The following OTUD5 variants were observed in gnomAD, a reference collection of about 807,000 sequenced individuals.
OTUD5 encodes OTU domain-containing protein 5.
OTUD5 carries 2 observed loss-of-function variants against 36.3 expected under a neutral mutation model. That is an observed-to-expected ratio of 0.06 (90% CI 0.02 to 0.17). OTUD5 has a LOEUF of 0.17. Among genes scored for constraint, OTUD5 ranks in the 10% least tolerant of loss-of-function variants. The pLI is 1.00. For missense variants in OTUD5, 233 were observed against 512.3 expected, an observed-to-expected ratio of 0.45 and a Z score of 5.26; for synonymous variants, 234 against 214.9, an observed-to-expected ratio of 1.09 and a Z score of -0.78.
chrX:48,950,300 G>C (rs782492798), intron 1 of OTUD5, among the ~76,000 whole-genome samples: 2 of 110,903 alleles, frequency 1.8e-5, no homozygotes, highest in East Asian at 5.6e-4. Context: ...ATTTGATACA[G>C]ACAGAAAAGG....
chrX:48,954,355 T>C (rs797043859), intron 1 of OTUD5, among the ~76,000 whole-genome samples: 1 of 111,074 alleles, frequency 9.0e-6, no homozygotes, highest in African/African-American at 3.3e-5. Flanking sequence ...AGGATGTTCT[T>C]TCTCTCTGTC....
intron 1 of OTUD5, among the ~76,000 whole-genome samples, chrX:48,949,071 C>T (rs1238334384): frequency 9.0e-6 from 1 of 111,688 alleles, no homozygotes; most frequent in Non-Finnish European, 1.9e-5. Context: ...GGATACCAAG[C>T]CTCCCAATAA....
intron 5 of OTUD5, among the ~76,000 whole-genome samples, chrX:48,928,629 T>C (rs1313484782): frequency 2.7e-5 from 3 of 110,385 alleles, no homozygotes; most frequent in Non-Finnish European, 5.7e-5. Context: ...GAATTTGAGA[T>C]TGGCCTGAGC....
At chrX:48,947,033 AC>A (rs1460342774) in intron 1 of OTUD5, among the ~76,000 whole-genome samples, 1 of 111,999 alleles carries the variant, frequency 8.9e-6, no homozygotes, top group Non-Finnish European at 1.9e-5. Context: ...GAAACAGGTA[AC>A]CACCACAAGG....
intron 5 of OTUD5, among the ~76,000 whole-genome samples, chrX:48,926,879 A>G (rs1405818376): frequency 9.0e-6 from 1 of 111,438 alleles, no homozygotes; most frequent in Non-Finnish European, 1.9e-5. Flanking sequence ...ACACTACATC[A>G]GAGTACTGTT....
intron 2 of OTUD5, among the ~76,000 whole-genome samples, chrX:48,941,808 G>A (rs782568077): frequency 8.2e-4 from 92 of 111,816 alleles, no homozygotes; most frequent in Non-Finnish European, 1.3e-3. Flanking sequence ...CTGGAAACGG[G>A]GGCAGCAAAA....
Position 48,923,321 on chromosome X carries a change from G to A in OTUD5, c.1580-26C>T, listed in dbSNP as rs185738591. On this transcript the variant is annotated intron_variant, in intron 8 of 8. Coordinates refer to ENST00000376488, the MANE Select transcript of OTUD5 (RefSeq NM_001136157.2). The stretch of plus-strand genomic sequence containing the variant: ...CTGCTGGGCGAGAGGAAGAGGAAAA[G>A]GATGATGGAGCGCTCTCAGCCTGCC... The A allele has an allele frequency of 1.0e-3, 1,171 of 1,137,233 alleles. 6 individuals are homozygous for A. In the African/African-American group the frequency reaches 0.019, roughly 19 times the overall value. 93.7% of individuals were successfully genotyped at this position (1,137,233 alleles called of 1,213,427 possible).
At position 48,955,149 on chromosome X, in the gene OTUD5, C is replaced by T. The variant is rs782330600; in HGVS notation, c.594+1828G>A. Among the ~76,000 whole-genome samples, 3 of 111,761 alleles carry T rather than the reference C, an allele frequency of 2.7e-5. No individual in the cohort carries two copies. In the Admixed American group the frequency reaches 2.8e-4, roughly 11 times the overall value. Reference sequence around the variant, plus strand: ...CTTTTCCTCAGAATCCTACCCTATTCATGTCCCCAAAAGGAGTTGGGAGTC... The same window carrying T: ...CTTTTCCTCAGAATCCTACCCTATTTATGTCCCCAAAAGGAGTTGGGAGTC... On this transcript the variant is annotated intron_variant, in intron 1 of 8. Transcript: ENST00000376488.
At chrX:48,943,590 T>C (rs1209863217) in intron 2 of OTUD5, among the ~76,000 whole-genome samples, 1 of 111,332 alleles carries the variant, frequency 9.0e-6, no homozygotes, top group Admixed American at 9.6e-5. Flanking sequence ...TCTCTACTTT[T>C]ATATAAGTTG....
chrX:48,923,569 G>C, intron 8 of OTUD5, 64 bp downstream of exon 8: 1 of 851,429 alleles, frequency 1.2e-6, no homozygotes, highest in Non-Finnish European at 1.7e-6. Context: ...CTCAGGACTT[G>C]CCACTTCTTC....
chrX:48,955,837 A>C (rs2064228431), intron 1 of OTUD5, among the ~76,000 whole-genome samples: 1 of 111,213 alleles, frequency 9.0e-6, no homozygotes, highest in Non-Finnish European at 1.9e-5. Flanking sequence ...TGGGGTGGGG[A>C]GTCTCAGATC....
intron 5 of OTUD5, among the ~76,000 whole-genome samples, chrX:48,930,317 G>C (rs2063732331): frequency 9.0e-6 from 1 of 111,567 alleles, no homozygotes; most frequent in Non-Finnish European, 1.9e-5. Context: ...GAAATGAGCA[G>C]TTACATAAAT....
chrX:48,951,594 G>A (rs781856107), intron 1 of OTUD5, among the ~76,000 whole-genome samples: 4 of 106,271 alleles, frequency 3.8e-5, no homozygotes, highest in Admixed American at 2.0e-4. Flanking sequence ...CAGCCTGGGG[G>A]ACAGAGTGAG....
At chrX:48,951,187 G>T (rs2064135422) in intron 1 of OTUD5, among the ~76,000 whole-genome samples, 2 of 111,387 alleles carry the variant, frequency 1.8e-5, no homozygotes, top group Non-Finnish European at 3.8e-5. Context: ...GCAGTTCATG[G>T]ACAGATGTCT....
intron 1 of OTUD5, among the ~76,000 whole-genome samples, chrX:48,953,489 G>C (rs1381922061): frequency 9.0e-6 from 1 of 111,400 alleles, no homozygotes; most frequent in African/African-American, 3.3e-5. Flanking sequence ...CCAGCATTTT[G>C]CCTGGCCAGT....
chrX:48,944,674 G>C (rs1268187841), intron 1 of OTUD5, among the ~76,000 whole-genome samples: 1 of 111,830 alleles, frequency 8.9e-6, no homozygotes, highest in Non-Finnish European at 1.9e-5. Context: ...TGGTGAAGAG[G>C]GGGTAACTAG....
intron 2 of OTUD5, among the ~76,000 whole-genome samples, chrX:48,942,789 G>T (rs1369433759): frequency 2.7e-5 from 3 of 109,596 alleles, no homozygotes; most frequent in African/African-American, 1.0e-4. Flanking sequence ...GTTCCATGAG[G>T]GTCTACTATA....
At chrX:48,938,715 G>A (rs1212666650) in intron 2 of OTUD5, among the ~76,000 whole-genome samples, 4 of 110,076 alleles carry the variant, frequency 3.6e-5, no homozygotes, top group Admixed American at 9.6e-5. Flanking sequence ...AAAAGAATTC[G>A]TTTTTCTGAC....
chrX:48,956,063 G>C (rs992705394), intron 1 of OTUD5, among the ~76,000 whole-genome samples: 7 of 111,535 alleles, frequency 6.3e-5, no homozygotes, highest in Non-Finnish European at 1.3e-4. Context: ...TGGGGGTGCT[G>C]AGGGCCCATC....
Sources: gnomAD v4.1 joint callset for allele counts (sites outside exome capture counted in the v4.1 genomes callset) on GRCh38, gnomAD v4.1.1 for gene constraint, MANE v1.5 for transcripts, NCBI Gene and HGNC (gene_info 2026-07-23, HGNC 2026-07-21) for gene names.